The following COG7 variants were observed in gnomAD, a reference collection of about 807,000 sequenced individuals.
COG7 encodes conserved oligomeric Golgi complex subunit 7.
Under a neutral mutation model 91.5 loss-of-function variants are expected in COG7, and 49 were observed. That is an observed-to-expected ratio of 0.54 (90% CI 0.43 to 0.68). COG7 has a LOEUF of 0.68. Among genes scored for constraint, COG7 ranks in the 30% least tolerant of loss-of-function variants. COG7 has a pLI of 0.00. For missense variants in COG7, 895 were observed against 961.3 expected, an observed-to-expected ratio of 0.93 and a Z score of 0.91; for synonymous variants, 365 against 388.7, an observed-to-expected ratio of 0.94 and a Z score of 0.72.
Position 23,453,077 on chromosome 16 carries a change from C to A in COG7, c.-83G>T. Reference sequence around the variant, plus strand: ...GGGGATGCAGAAGCGAGCGAGCCTGCGAGAGCACCGAGGCTAGCCTCCGAG... The same window carrying A: ...GGGGATGCAGAAGCGAGCGAGCCTGAGAGAGCACCGAGGCTAGCCTCCGAG... On this transcript the variant is annotated 5_prime_UTR_variant, in exon 1 of 17. Coordinates refer to ENST00000307149, the MANE Select transcript of COG7 (RefSeq NM_153603.4). 2 of 1,591,094 alleles carry A rather than the reference C, an allele frequency of 1.3e-6. No individual in the cohort carries two copies. The highest frequency in any genetic ancestry group is 1.3e-5 in the African/African-American group (1 of 74,558).
rs145516210 is a variant in COG7, at chr16:23,419,148, G to A, written c.1010-321C>T. Among the ~76,000 whole-genome samples, 1,107 of 152,306 alleles carry A rather than the reference G, an allele frequency of 7.3e-3. 10 individuals are homozygous for A. Among genetic ancestry groups the A allele is most frequent in the African/African-American group, 0.025 (1,056 of 41,584 alleles). On this transcript the variant is annotated intron_variant, in intron 7 of 16. Transcript: ENST00000307149. ...TGGCCGGGCGTGGTGGCTCACGCCT[G>A]TAATCCCAACACTTTGGGAGGCCGA...
At chr16:23,439,775 G>A (rs1265755847) in intron 4 of COG7, among the ~76,000 whole-genome samples, 3 of 152,136 alleles carry the variant, frequency 2.0e-5, no homozygotes, top group Admixed American at 2.0e-4. Context: ...ATGGATGGTG[G>A]TGATGTTTGC....
At chr16:23,434,811 C>A in intron 4 of COG7, 93 bp from the exon 5 acceptor site, 1 of 816,240 alleles carries the variant, frequency 1.2e-6, no homozygotes, top group African/African-American at 1.7e-5. Flanking sequence ...TATATGGAAG[C>A]TAGTATTCAC....
At chr16:23,451,432 G>A (rs1041272305) in intron 1 of COG7, among the ~76,000 whole-genome samples, 1 of 152,120 alleles carries the variant, frequency 6.6e-6, no homozygotes, top group Non-Finnish European at 1.5e-5. Context: ...AAATGGTTTA[G>A]GCCAGGCGTG....
At chr16:23,420,274 T>G (rs564108383) in intron 7 of COG7, among the ~76,000 whole-genome samples, 26 of 152,302 alleles carry the variant, frequency 1.7e-4, no homozygotes, top group African/African-American at 6.3e-4. Flanking sequence ...GAAAATCATC[T>G]CAAAGAAATC....
chr16:23,436,614 A>C (rs533313517), intron 4 of COG7, among the ~76,000 whole-genome samples: 1 of 152,176 alleles, frequency 6.6e-6, no homozygotes, highest in African/African-American at 2.4e-5. Flanking sequence ...GCATGCCTGT[A>C]ATCCCAGCTA....
chr16:23,397,391 T>G (rs1281916553), intron 14 of COG7, among the ~76,000 whole-genome samples: 4 of 152,146 alleles, frequency 2.6e-5, no homozygotes, highest in Non-Finnish European at 5.9e-5. Flanking sequence ...GTGTTTCTTG[T>G]GCGCACTGAC....
intron 6 of COG7, among the ~76,000 whole-genome samples, chr16:23,429,561 C>T (rs763727320): frequency 4.6e-5 from 7 of 151,968 alleles, no homozygotes; most frequent in East Asian, 3.9e-4. Context: ...GTCAGGAGTT[C>T]GAGACCAGCC....
At chr16:23,389,739 G>A (rs1180763516) in intron 16 of COG7, 1 of 153,594 alleles carries the variant, frequency 6.5e-6, no homozygotes, top group Non-Finnish European at 1.5e-5. Flanking sequence ...GACCCCTGAG[G>A]CACTGGGGAT....
intron 16 of COG7, among the ~76,000 whole-genome samples, chr16:23,391,621 T>C (rs1963197283): frequency 6.6e-6 from 1 of 152,222 alleles, no homozygotes; most frequent in South Asian, 2.1e-4. Flanking sequence ...GCTCTGGCTG[T>C]GTCCCCAGGG....
intron 8 of COG7, among the ~76,000 whole-genome samples, chr16:23,417,973 G>C (rs930992626): frequency 6.6e-6 from 1 of 152,098 alleles, no homozygotes; most frequent in African/African-American, 2.4e-5. Context: ...CTTATGACTT[G>C]AAAACAAAAT....
intron 15 of COG7, among the ~76,000 whole-genome samples, chr16:23,393,008 C>T (rs1963225653): frequency 6.6e-6 from 1 of 151,986 alleles, no homozygotes. Context: ...AAGGCACAAG[C>T]GAAAGTGGAA....
intron 4 of COG7, among the ~76,000 whole-genome samples, chr16:23,437,787 A>G (rs1470895798): frequency 1.3e-5 from 2 of 152,224 alleles, no homozygotes; most frequent in Non-Finnish European, 2.9e-5. Flanking sequence ...TTGGACTACA[A>G]CAAAATTAAA....
chr16:23,417,409 G>T, intron 8 of COG7: 1 of 446,326 alleles, frequency 2.2e-6, no homozygotes, highest in East Asian at 4.7e-5. Flanking sequence ...TTATTAAGAT[G>T]GCATCTCTTC....
At chr16:23,427,959 T>A (rs1963874612) in intron 6 of COG7, among the ~76,000 whole-genome samples, 1 of 152,120 alleles carries the variant, frequency 6.6e-6, no homozygotes, top group Non-Finnish European at 1.5e-5. Context: ...GCAGAGCACT[T>A]GAGGCCAGGA....
Position 23,393,353 on chromosome 16 carries a change from A to C in COG7, c.1888-6T>G. The C allele has an allele frequency of 2.5e-6, 4 of 1,606,674 alleles. No homozygotes were observed. The highest frequency in any genetic ancestry group is 3.4e-6 in the Non-Finnish European group (4 of 1,173,226). On this transcript the variant is annotated splice_region_variant and splice_polypyrimidine_tract_variant and intron_variant, in intron 14 of 16. Transcript: ENST00000307149. Reference sequence around the variant, plus strand: ...GACATGATGTACTGCCCGATCTGAAACAAAAGAAAGCGCTGTTAGCCTGAC... The same window carrying C: ...GACATGATGTACTGCCCGATCTGAACCAAAAGAAAGCGCTGTTAGCCTGAC...
intron 6 of COG7, among the ~76,000 whole-genome samples, chr16:23,430,893 T>C (rs1963923788): frequency 6.6e-6 from 1 of 151,876 alleles, no homozygotes; most frequent in South Asian, 2.1e-4. Flanking sequence ...ACTGGGCACT[T>C]TGGCTCATGT....
At chr16:23,393,746 A>G (rs1963238374) in intron 14 of COG7, among the ~76,000 whole-genome samples, 1 of 152,178 alleles carries the variant, frequency 6.6e-6, no homozygotes, top group Admixed American at 6.6e-5. Context: ...AAGAATTCAA[A>G]TCCTGTCTTC....
chr16:23,403,665 A>G (rs774308127), intron 13 of COG7, 29 bp downstream of exon 13: 49 of 1,613,660 alleles, frequency 3.0e-5, no homozygotes, highest in Middle Eastern at 1.7e-4. Context: ...GGACCCGGGA[A>G]AAATTGATGT....
Sources: gnomAD v4.1 joint callset for allele counts (sites outside exome capture counted in the v4.1 genomes callset) on GRCh38, gnomAD v4.1.1 for gene constraint, MANE v1.5 for transcripts, NCBI Gene and HGNC (gene_info 2026-07-23, HGNC 2026-07-21) for gene names.